Variants in SNTG1 observed in about 807,000 individuals in gnomAD.
The protein encoded by SNTG1 is gamma-1-syntrophin.
Under a neutral mutation model 74.7 loss-of-function variants are expected in SNTG1, and 39 were observed. The observed-to-expected ratio is 0.52, with a 90% CI of 0.40 to 0.68. SNTG1 has a LOEUF of 0.68. Among genes scored for constraint, SNTG1 ranks in the 30% least tolerant of loss-of-function variants. The pLI is 0.00. For synonymous variants in SNTG1, 254 were observed against 217.1 expected (o/e 1.17, Z -1.49); for missense variants, 685 against 609.5 (o/e 1.12, Z -1.30).
intron 13 of SNTG1, among the ~76,000 whole-genome samples, chr8:50,655,257 G>T (rs190831726): frequency 6.6e-6 from 1 of 152,222 alleles, no homozygotes; most frequent in East Asian, 1.9e-4. Context: ...TTCTGACACA[G>T]TAAATATATA....
intron 1 of SNTG1, among the ~76,000 whole-genome samples, chr8:50,107,288 C>T (rs1292450581): frequency 6.6e-6 from 1 of 152,022 alleles, no homozygotes; most frequent in African/African-American, 2.4e-5. Flanking sequence ...TTTTCCCCAT[C>T]CTTTATTAGC....
intron 15 of SNTG1, among the ~76,000 whole-genome samples, chr8:50,680,939 A>G (rs995568467): frequency 6.6e-6 from 1 of 152,206 alleles, no homozygotes; most frequent in African/African-American, 2.4e-5. Flanking sequence ...ATGTGAAAAC[A>G]CAATGTAAAT....
chr8:50,772,579 C>A (rs2095629852), intron 18 of SNTG1, among the ~76,000 whole-genome samples: 1 of 152,020 alleles, frequency 6.6e-6, no homozygotes, highest in African/African-American at 2.4e-5. Context: ...AAAGTTAAGA[C>A]CTTTGGGACC....
At chr8:50,011,548 T>G (rs1008449304) in intron 1 of SNTG1, among the ~76,000 whole-genome samples, 3 of 152,144 alleles carry the variant, frequency 2.0e-5, no homozygotes, top group African/African-American at 7.2e-5. Context: ...AATATTAAAT[T>G]GATGGGTTGC....
At chr8:50,379,779 C>T (rs140496503) in intron 2 of SNTG1, among the ~76,000 whole-genome samples, 264 of 152,396 alleles carry the variant, frequency 1.7e-3, no homozygotes, top group African/African-American at 6.1e-3. Context: ...AGAGCAACTT[C>T]GGAAAATGCC....
intron 2 of SNTG1, among the ~76,000 whole-genome samples, chr8:50,237,266 T>G (rs1034639146): frequency 5.3e-5 from 8 of 152,290 alleles, no homozygotes; most frequent in African/African-American, 1.7e-4. Flanking sequence ...TACTCTCTAC[T>G]GTCTATATAT....
chr8:50,532,227 A>C (rs1296879104), intron 10 of SNTG1, among the ~76,000 whole-genome samples: 2 of 152,212 alleles, frequency 1.3e-5, no homozygotes, highest in Non-Finnish European at 2.9e-5. Flanking sequence ...AGAGAATAAT[A>C]ATAAAACCGT....
chr8:50,253,642 T>C (rs1410837403), intron 2 of SNTG1, among the ~76,000 whole-genome samples: 1 of 149,470 alleles, frequency 6.7e-6, no homozygotes, highest in Non-Finnish European at 1.5e-5. Context: ...GTTCCATATA[T>C]ACACACATAT....
chr8:50,499,997 T>C (rs745534468), intron 8 of SNTG1, among the ~76,000 whole-genome samples: 2 of 152,084 alleles, frequency 1.3e-5, no homozygotes, highest in Non-Finnish European at 2.9e-5. Context: ...TTTTTATCTT[T>C]AGTTTGCAAT....
At chr8:49,942,955 G>T (rs193056703) in intron 1 of SNTG1, among the ~76,000 whole-genome samples, 2 of 152,214 alleles carry the variant, frequency 1.3e-5, no homozygotes, top group East Asian at 1.9e-4. Flanking sequence ...TCTCTTGAGG[G>T]TTTATTATCT....
chr8:50,207,490 A>G (rs2084303116), intron 2 of SNTG1, among the ~76,000 whole-genome samples: 1 of 151,466 alleles, frequency 6.6e-6, no homozygotes, highest in South Asian at 2.1e-4. Flanking sequence ...TGGTTTATCG[A>G]TGTTCTTGAT....
intron 2 of SNTG1, among the ~76,000 whole-genome samples, chr8:50,201,370 T>G (rs2131842484): frequency 6.6e-6 from 1 of 152,316 alleles, no homozygotes; most frequent in Admixed American, 6.5e-5. Flanking sequence ...ATTGAAAAGA[T>G]AACACAAAGA....
At chr8:50,571,995 G>A (rs1415894296) in intron 12 of SNTG1, among the ~76,000 whole-genome samples, 1 of 152,116 alleles carries the variant, frequency 6.6e-6, no homozygotes, top group Non-Finnish European at 1.5e-5. Flanking sequence ...TCTTATGTAT[G>A]AACACTGTGC....
chr8:50,401,675 G>C (rs958413739), intron 3 of SNTG1, among the ~76,000 whole-genome samples: 1 of 152,086 alleles, frequency 6.6e-6, no homozygotes, highest in Admixed American at 6.6e-5. Context: ...TGGTGACTAG[G>C]AATGCTGACA....
intron 2 of SNTG1, among the ~76,000 whole-genome samples, chr8:50,194,264 TG>T (rs2083682575): frequency 6.6e-6 from 1 of 152,156 alleles, no homozygotes; most frequent in Non-Finnish European, 1.5e-5. Flanking sequence ...CTTATTTGAA[TG>T]TCTGGTAGAA....
At chr8:50,616,043 TCA>T (rs1240713768) in intron 13 of SNTG1, among the ~76,000 whole-genome samples, 1 of 152,220 alleles carries the variant, frequency 6.6e-6, no homozygotes, top group Non-Finnish European at 1.5e-5. Context: ...CCAGGAGTTC[TCA>T]GTTTTTGCTC....
intron 1 of SNTG1, among the ~76,000 whole-genome samples, chr8:50,127,834 C>T (rs2081194983): frequency 6.6e-6 from 1 of 152,120 alleles, no homozygotes; most frequent in South Asian, 2.1e-4. Flanking sequence ...GTTTACAATT[C>T]AGTCTGCTTT....
At chr8:50,575,419 G>A (rs1156402843) in intron 12 of SNTG1, among the ~76,000 whole-genome samples, 1 of 152,128 alleles carries the variant, frequency 6.6e-6, no homozygotes, top group African/African-American at 2.4e-5. Context: ...AATTGACAGA[G>A]CTATCATTTT....
At chr8:50,391,489 A>G (rs2092659578) in intron 2 of SNTG1, among the ~76,000 whole-genome samples, 1 of 151,920 alleles carries the variant, frequency 6.6e-6, no homozygotes, top group Non-Finnish European at 1.5e-5. Context: ...TTTATTGAGG[A>G]TTTTTGCATC....
Sources: gnomAD v4.1 joint callset for allele counts (sites outside exome capture counted in the v4.1 genomes callset) on GRCh38, gnomAD v4.1.1 for gene constraint, MANE v1.5 for transcripts, NCBI Gene and HGNC (gene_info 2026-07-23, HGNC 2026-07-21) for gene names.